The following DIAPH2 variants were observed in gnomAD, a reference collection of about 807,000 sequenced individuals.
DIAPH2 encodes the protein diaphanous related formin 2.
In DIAPH2, 35 loss-of-function variants were observed where a neutral mutation model predicts 92.7. The observed-to-expected ratio is 0.38, with a 90% CI of 0.29 to 0.50. DIAPH2 has a LOEUF of 0.50. Among genes scored for constraint, DIAPH2 ranks in the 20% least tolerant of loss-of-function variants. The probability of loss-of-function intolerance (pLI) is 0.94; values close to 1 mark genes in which losing one functional copy is unlikely to be tolerated. For missense variants in DIAPH2, 701 were observed against 819.5 expected (o/e 0.86, Z 1.77); for synonymous variants, 301 against 280.4 (o/e 1.07, Z -0.73).
chrX:96,872,471 A>G (rs766204647), intron 4 of DIAPH2, among the ~76,000 whole-genome samples: 13 of 108,132 alleles, frequency 1.2e-4, no homozygotes, highest in African/African-American at 3.4e-4. Flanking sequence ...ACCATTGTGT[A>G]TATGTGCCAC....
intron 1 of DIAPH2, among the ~76,000 whole-genome samples, chrX:96,697,043 G>T (rs1486873668): frequency 1.8e-5 from 2 of 110,597 alleles, no homozygotes; most frequent in Non-Finnish European, 1.9e-5. Flanking sequence ...GAGCTTGGGG[G>T]TTTGCTACTT....
intron 4 of DIAPH2, among the ~76,000 whole-genome samples, chrX:96,852,995 A>G (rs1462073691): frequency 1.8e-5 from 2 of 111,722 alleles, no homozygotes; most frequent in African/African-American, 6.5e-5. Context: ...CCTAATTAAT[A>G]TCTGTATTTA....
chrX:96,814,981 G>A (rs993358351), intron 4 of DIAPH2, among the ~76,000 whole-genome samples: 6 of 112,082 alleles, frequency 5.4e-5, no homozygotes, highest in Admixed American at 1.9e-4. Context: ...TAGGCTACAC[G>A]GGGGTCAGGG....
intron 4 of DIAPH2, among the ~76,000 whole-genome samples, chrX:96,879,356 A>AT (rs1253238090): frequency 9.0e-6 from 1 of 111,224 alleles, no homozygotes; most frequent in Non-Finnish European, 1.9e-5. Context: ...TAAATTCCAT[A>AT]TACAATCCTC....
intron 3 of DIAPH2, among the ~76,000 whole-genome samples, chrX:96,751,372 C>T (rs1302771036): frequency 9.3e-6 from 1 of 107,971 alleles, no homozygotes; most frequent in Non-Finnish European, 1.9e-5. Flanking sequence ...GTCAGGAGAT[C>T]GAGACCATCC....
intron 5 of DIAPH2, among the ~76,000 whole-genome samples, chrX:96,895,263 C>T (rs778890405): frequency 9.3e-4 from 104 of 111,443 alleles, no homozygotes; most frequent in Non-Finnish European, 1.4e-3. Context: ...CCTCGGCCTC[C>T]CAAAATACGG....
intron 1 of DIAPH2, among the ~76,000 whole-genome samples, chrX:96,717,735 T>C (rs773040377): frequency 9.9e-6 from 1 of 101,133 alleles, no homozygotes; most frequent in Admixed American, 1.1e-4. Context: ...GGTGTACTTT[T>C]CTTCATATTT....
At chrX:97,107,947 A>G (rs1602346971) in intron 20 of DIAPH2, among the ~76,000 whole-genome samples, 1 of 110,350 alleles carries the variant, frequency 9.1e-6, no homozygotes, top group East Asian at 2.8e-4. Flanking sequence ...TGACCATAGG[A>G]GTGCCATGTG....
rs1411964813 is a variant in DIAPH2, at chrX:97,444,246, G to C, written c.3241+14501G>C. On this transcript the variant is annotated intron_variant, in intron 26 of 26. Coordinates refer to ENST00000324765, the MANE Select transcript of DIAPH2 (RefSeq NM_006729.5). ...TCTGTTCTATTGTTTGTCTAGCATA[G>C]ATACAGTATACCACAAGCAATACAA... Among the ~76,000 whole-genome samples the C allele has an allele frequency of 1.2e-4, 13 of 110,212 alleles. 1 individual carries two copies.
intron 23 of DIAPH2, among the ~76,000 whole-genome samples, chrX:97,250,237 A>C (rs766624662): frequency 8.9e-6 from 1 of 112,107 alleles, no homozygotes; most frequent in South Asian, 3.7e-4. Flanking sequence ...CTTTAAATTG[A>C]ATAATTAGGG....
intron 22 of DIAPH2, among the ~76,000 whole-genome samples, chrX:97,161,587 G>C (rs939820924): frequency 4.4e-4 from 49 of 110,958 alleles, no homozygotes; most frequent in African/African-American, 1.6e-3. Flanking sequence ...ATTTTTGGTG[G>C]AGAAGGGGGT....
intron 5 of DIAPH2, among the ~76,000 whole-genome samples, chrX:96,907,607 C>G (rs2065441757): frequency 8.9e-6 from 1 of 111,981 alleles, no homozygotes; most frequent in Non-Finnish European, 1.9e-5. Context: ...TTCTCAGTTT[C>G]TTTACCTAGA....
rs943851935 is a variant in DIAPH2, at chrX:96,770,410, C to T, written c.447+12152C>T. Among the ~76,000 whole-genome samples the T allele has an allele frequency of 3.6e-5, 4 of 111,286 alleles. No homozygotes were observed. In the East Asian group the frequency reaches 1.1e-3, roughly 31 times the overall value. On this transcript the variant is annotated intron_variant, in intron 4 of 26. Coordinates refer to ENST00000324765, the MANE Select transcript of DIAPH2 (RefSeq NM_006729.5). ...AGAATAGTATTTGATAATTACCTCA[C>T]GTAATATTACACTTGTGTCAGGCCA...
In DIAPH2 at chrX:97,309,482, A is replaced by T. The variant is rs1389971551; in HGVS notation, c.2845-38634A>T. ...AATGAAGTGCCTGCCCATATGTAAT[A>T]TTTCCTGATACTCCATGGGCTTTAG... On this transcript the variant is annotated intron_variant, in intron 23 of 26. Coordinates refer to ENST00000324765, the MANE Select transcript of DIAPH2 (RefSeq NM_006729.5). Among the ~76,000 whole-genome samples, 9 of 111,924 alleles carry T rather than the reference A, an allele frequency of 8.0e-5. No individual in the cohort carries two copies. The East Asian group carries it at 2.2e-3, about 28-fold the overall frequency.
chrX:97,079,680 A>T (rs1013703288), intron 19 of DIAPH2, among the ~76,000 whole-genome samples: 5 of 111,386 alleles, frequency 4.5e-5, no homozygotes, highest in African/African-American at 1.6e-4. Flanking sequence ...TTTCCTCATG[A>T]AAAAAGTAAC....
intron 3 of DIAPH2, among the ~76,000 whole-genome samples, chrX:96,755,510 G>A (rs1214739914): frequency 2.7e-5 from 3 of 110,256 alleles, no homozygotes; most frequent in East Asian, 2.9e-4. Context: ...AAAATTAGCC[G>A]GGCATGGTGG....
At chrX:96,937,527 C>A (rs1057167251) in intron 11 of DIAPH2, among the ~76,000 whole-genome samples, 176 bp downstream of exon 11, 3 of 111,693 alleles carry the variant, frequency 2.7e-5, no homozygotes, top group Non-Finnish European at 5.7e-5. Flanking sequence ...AATTGTCAGG[C>A]TGTCTTGATG....
At chrX:97,277,051 G>A (rs1490547232) in intron 23 of DIAPH2, among the ~76,000 whole-genome samples, 1 of 112,559 alleles carries the variant, frequency 8.9e-6, no homozygotes, top group African/African-American at 3.2e-5. Context: ...AAAGAGGCAT[G>A]TGGGGCTGGG....
chrX:96,894,372 G>GA (rs972003725), intron 5 of DIAPH2, among the ~76,000 whole-genome samples: 18 of 110,209 alleles, frequency 1.6e-4, no homozygotes, highest in Non-Finnish European at 2.6e-4. Context: ...AAAAACTATT[G>GA]AAGATTGGAG....
Sources: gnomAD v4.1 joint callset for allele counts (sites outside exome capture counted in the v4.1 genomes callset) on GRCh38, gnomAD v4.1.1 for gene constraint, MANE v1.5 for transcripts, NCBI Gene and HGNC (gene_info 2026-07-23, HGNC 2026-07-21) for gene names.